DOP1B: variants seen among roughly 807,000 people sequenced by gnomAD.
The protein encoded by DOP1B is DOP1 leucine zipper like protein B.
Under a neutral mutation model 233.5 loss-of-function variants are expected in DOP1B, and 174 were observed. The observed-to-expected ratio is 0.75, with a 90% confidence interval of 0.66 to 0.85. The LOEUF (loss-of-function observed/expected upper bound fraction) is 0.85. DOP1B is among the 40% of genes least tolerant of loss of function. The pLI, the probability that DOP1B is intolerant of heterozygous loss-of-function variation, is 0.00. For synonymous variants in DOP1B, 1,190 were observed against 1,185.6 expected (o/e 1.00, Z -0.08); for missense variants, 2,652 against 2,846.6 (o/e 0.93, Z 1.56).
At chr21:36,228,522 T>G (rs1019126007) in intron 13 of DOP1B, among the ~76,000 whole-genome samples, 3 of 151,718 alleles carry the variant, frequency 2.0e-5, no homozygotes, top group Non-Finnish European at 4.4e-5. Flanking sequence ...ATCCCAGCAC[T>G]TTGGGAGGCC....
chr21:36,175,989 A>G (rs1212924269), intron 2 of DOP1B, among the ~76,000 whole-genome samples: 1 of 151,984 alleles, frequency 6.6e-6, no homozygotes, highest in Non-Finnish European at 1.5e-5. Flanking sequence ...AGAAGCCCAG[A>G]TGGTCTTTTA....
intron 2 of DOP1B, among the ~76,000 whole-genome samples, chr21:36,166,830 G>A (rs2065915696): frequency 1.3e-5 from 2 of 152,212 alleles, no homozygotes; most frequent in African/African-American, 2.4e-5. Context: ...CAGGCACGCT[G>A]CAGATGGGCA....
chr21:36,273,545 G>A (rs2067315144), intron 27 of DOP1B, among the ~76,000 whole-genome samples: 1 of 152,182 alleles, frequency 6.6e-6, no homozygotes, highest in Non-Finnish European at 1.5e-5. Flanking sequence ...CACTGTGAGT[G>A]TTACAGAACA....
At chr21:36,279,903 T>G (rs572271036) in intron 30 of DOP1B, among the ~76,000 whole-genome samples, 81 of 152,324 alleles carry the variant, frequency 5.3e-4, no homozygotes, top group Non-Finnish European at 9.6e-4. Context: ...GAGATGGAGT[T>G]TTGCTCTTGT....
At chr21:36,270,209 G>T (rs1323854309) in intron 27 of DOP1B, 52 bp downstream of exon 27, 1 of 1,581,752 alleles carries the variant, frequency 6.3e-7, no homozygotes, top group Non-Finnish European at 8.6e-7. Context: ...CGTGGTTCTG[G>T]CTTTTCCTTA....
chr21:36,290,381 C>T (rs60624681), intron 35 of DOP1B, among the ~76,000 whole-genome samples: 20,612 of 152,034 alleles, frequency 0.14, 1,503 homozygotes, highest in South Asian at 0.25. Context: ...AAAAATTAGG[C>T]CAGGTACCGT....
Position 36,235,664 on chromosome 21 carries a change from G to A in DOP1B, c.2623-1598G>A, listed in dbSNP as rs1162002311. Among the ~76,000 whole-genome samples the A allele has an allele frequency of 3.9e-5, 6 of 152,104 alleles. No homozygotes were observed. In the East Asian group the frequency reaches 1.2e-3, roughly 29 times the overall value. On this transcript the variant is annotated intron_variant, in intron 15 of 36. Transcript: ENST00000691173. ...GATCACTTGAGCCAAGGAGGCAGAG[G>A]TTGCAGTGAGTTGACATCGTGCCAC...
chr21:36,261,043 AG>A (rs2067164303), intron 24 of DOP1B: 1 of 1,100,694 alleles, frequency 9.1e-7, no homozygotes, highest in African/African-American at 1.6e-5. Context: ...AACCACATAT[AG>A]GGAAGTGTTA....
intron 10 of DOP1B, among the ~76,000 whole-genome samples, chr21:36,221,234 T>A (rs2123517724): frequency 6.6e-6 from 1 of 152,256 alleles, no homozygotes; most frequent in Middle Eastern, 3.4e-3. Context: ...GGCTCACGCC[T>A]GTAATTTCAG....
At chr21:36,181,947 T>C (rs538980671) in intron 2 of DOP1B, among the ~76,000 whole-genome samples, 1 of 152,352 alleles carries the variant, frequency 6.6e-6, no homozygotes, top group African/African-American at 2.4e-5. Context: ...AATAACTACT[T>C]ATCTTTATAT....
chr21:36,261,905 T>C (rs1244716537), intron 24 of DOP1B: 9 of 940,120 alleles, frequency 9.6e-6, no homozygotes, highest in Non-Finnish European at 1.1e-5. Context: ...AATGAGACTC[T>C]ATCTCAAAAA....
intron 21 of DOP1B, 148 bp from the exon 22 acceptor site, chr21:36,251,014 C>A: frequency 9.2e-7 from 1 of 1,090,918 alleles, no homozygotes; most frequent in Non-Finnish European, 1.3e-6. Flanking sequence ...TGCTGGGATC[C>A]ACCCATCAGG....
intron 18 of DOP1B, among the ~76,000 whole-genome samples, chr21:36,244,455 G>A (rs1038317753): frequency 2.0e-5 from 3 of 151,534 alleles, no homozygotes; most frequent in East Asian, 2.0e-4. Flanking sequence ...ACGGAGTTTC[G>A]CTCTTGTTGC....
chr21:36,160,039 T>C (rs1431230497), intron 1 of DOP1B, among the ~76,000 whole-genome samples: 2 of 152,198 alleles, frequency 1.3e-5, no homozygotes, highest in Non-Finnish European at 2.9e-5. Flanking sequence ...TTCCCCCATG[T>C]TTAGACACTT....
intron 4 of DOP1B, among the ~76,000 whole-genome samples, chr21:36,200,805 T>A (rs954721214): frequency 2.0e-5 from 3 of 149,320 alleles, no homozygotes; most frequent in Non-Finnish European, 3.0e-5. Context: ...ATCGCACCAC[T>A]GCACTCCAGC....
At chr21:36,222,946 G>A (rs572904666) in intron 10 of DOP1B, among the ~76,000 whole-genome samples, 1 of 152,184 alleles carries the variant, frequency 6.6e-6, no homozygotes, top group South Asian at 2.1e-4. Flanking sequence ...TGTTGGTCAA[G>A]CTGGTGCACC....
chr21:36,245,389 G>T lies in DOP1B; in HGVS notation c.3409G>T (p.Glu1137Ter), dbSNP rs2066946245. Reference sequence around the variant, plus strand: ...CTCCTCCCCTTCCCACGACCTGCAGGAGCTGAGCAACGAAGAGAACTGCTG... The same window carrying T: ...CTCCTCCCCTTCCCACGACCTGCAGTAGCTGAGCAACGAAGAGAACTGCTG... ...SFSSPSHDLQ[E>*]LSNEENCCAP... Residue 1137 changes from glutamate to a stop codon, truncating the protein, a stop_gained, in exon 19 of 37, where the codon GAG becomes TAG. Coordinates refer to ENST00000691173, the MANE Select transcript of DOP1B (RefSeq NM_001320714.2). LOFTEE classifies it high-confidence loss of function. This position sits in a 1 kb window ranked among gnomAD's most constrained non-coding sequence, Gnocchi z 5.5. 2 of 1,613,936 alleles carry T rather than the reference G, an allele frequency of 1.2e-6. No individual in the cohort carries two copies. The highest frequency in any genetic ancestry group is 2.7e-5 in the African/African-American group (2 of 74,930).
chr21:36,165,022 G>T, intron 2 of DOP1B, 151 bp downstream of exon 2: 6 of 665,090 alleles, frequency 9.0e-6, no homozygotes, highest in African/African-American at 1.9e-5. Flanking sequence ...TTATTTCAAG[G>T]AAATACCATT....
At position 36,260,701 on chromosome 21, in the gene DOP1B, G is replaced by C. The variant is rs746741146; in HGVS notation, c.5284G>C (p.Val1762Leu). The change falls in exon 24 of 37, where the codon GTG becomes CTG. Residue 1762 changes from valine (V) to leucine (L), a missense_variant. Around this residue, in one of 3 missense-constraint regions of DOP1B, gnomAD observed 2,617 missense variants for 2,794.3 expected, o/e 0.94. Transcript: ENST00000691173. Reference sequence around the variant, plus strand: ...GAAATCGCCCCTAGTGGACATTCCTGTGTTGCAGTTTTGCTATGCTTTTCT... The same window carrying C: ...GAAATCGCCCCTAGTGGACATTCCTCTGTTGCAGTTTTGCTATGCTTTTCT... ...DEKSPLVDIP[V>L]LQFCYAFLQR... is the part of the protein sequence containing the mutation. 6.2e-7 allele frequency: 1 copy of C among 1,613,938 alleles called. No homozygotes were observed. Among genetic ancestry groups the C allele is most frequent in the Non-Finnish European group, 8.5e-7 (1 of 1,180,004 alleles).
Sources: allele counts gnomAD v4.1 joint callset (sites outside exome capture counted in the v4.1 genomes callset), GRCh38; gene constraint gnomAD v4.1.1; regional missense constraint gnomAD v4.1.1; non-coding constraint Gnocchi (gnomAD v3.1); transcripts MANE v1.5; gene names NCBI Gene and HGNC (gene_info 2026-07-23, HGNC 2026-07-21).